The following ADGRF1 variants were observed in gnomAD, a reference collection of about 807,000 sequenced individuals.
ADGRF1 encodes G protein-coupled receptor 110.
ADGRF1 carries 85 observed loss-of-function variants against 87.2 expected under a neutral mutation model. That is an observed-to-expected ratio of 0.97 (90% CI 0.82 to 1.17). ADGRF1 has a LOEUF of 1.17. Ranked by LOEUF, ADGRF1 falls within the 50% of genes most tolerant of loss-of-function variation. The probability of loss-of-function intolerance (pLI) is 0.00; values close to 1 mark genes in which losing one functional copy is unlikely to be tolerated. For synonymous variants in ADGRF1, 430 were observed against 408.8 expected, an observed-to-expected ratio of 1.05 and a Z score of -0.63; for missense variants, 1,169 against 1,077.2, an observed-to-expected ratio of 1.09 and a Z score of -1.19.
chr6:47,009,559 A>G lies in ADGRF1; in HGVS notation c.1876T>C (p.Cys626Arg). 1.9e-6 allele frequency: 3 copies of G among 1,614,174 alleles called. No homozygotes were observed. Among genetic ancestry groups the G allele is most frequent in the Non-Finnish European group, 2.5e-6 (3 of 1,180,016 alleles). Residue 626 changes from cysteine (C) to arginine (R), a missense_variant, in exon 11 of 15, where the codon TGC (cysteine) becomes CGC (arginine). Physicochemically the swap from Cys to Arg is radical, Grantham distance 180. Transcript: ENST00000371253. The stretch of plus-strand genomic sequence containing the variant: ...AGGGACAGGGCTATGTTCACCATGC[A>G]AATACGACGTGTGTGAGAGGTTTGG... ...KSQTSHTRRI[C>R]MVNIALSLLI...
rs201761911 is a variant in ADGRF1 at position 47,024,144 on chromosome 6, A to T, written c.351T>A (p.Leu117=). Reference sequence around the variant, plus strand: ...TGTGAAGGTAGCAGTTCTGGGGATCAAGGCATGAGGGAGGAAACCAGGTGT... The same window carrying T: ...TGTGAAGGTAGCAGTTCTGGGGATCTAGGCATGAGGGAGGAAACCAGGTGT... ...DSYTWFPPSC[L]DPQNCYLHTA... The change falls in exon 5 of 15, where the codon CTT becomes CTA. Residue 117 remains leucine (L), a synonymous_variant. Coordinates refer to ENST00000371253, the MANE Select transcript of ADGRF1 (RefSeq NM_153840.4). 6.2e-7 allele frequency: 1 copy of T among 1,614,080 alleles called. No homozygotes were observed. Among genetic ancestry groups the T allele is most frequent in the Non-Finnish European group, 8.5e-7 (1 of 1,179,934 alleles).
At chr6:47,029,674 A>G (rs994347985) in intron 1 of ADGRF1, among the ~76,000 whole-genome samples, 1 of 152,222 alleles carries the variant, frequency 6.6e-6, no homozygotes, top group Non-Finnish European at 1.5e-5. Context: ...ACTTATACCC[A>G]GGTTATTTTG....
intron 7 of ADGRF1, chr6:47,018,351 T>A (rs1422618106): frequency 4.8e-6 from 6 of 1,237,374 alleles, no homozygotes; most frequent in Non-Finnish European, 5.2e-6. Flanking sequence ...CAATGAGAAG[T>A]TGGGTGAAAA....
At chr6:47,042,060 A>G (rs1344417743) in intron 1 of ADGRF1, 131 bp downstream of exon 1, 3 of 152,186 alleles carry the variant, frequency 2.0e-5, no homozygotes, top group Non-Finnish European at 4.4e-5. Context: ...TTATTTAACC[A>G]TCTTCAGGAA....
intron 1 of ADGRF1, among the ~76,000 whole-genome samples, chr6:47,035,566 C>T (rs573570239): frequency 4.5e-4 from 68 of 152,234 alleles, no homozygotes; most frequent in Non-Finnish European, 8.7e-4. Context: ...TTCACAATTG[C>T]AGAAAATGAA....
chr6:47,000,970 T>C (rs565948055), intron 14 of ADGRF1, among the ~76,000 whole-genome samples: 1 of 152,350 alleles, frequency 6.6e-6, no homozygotes, highest in Non-Finnish European at 1.5e-5. Flanking sequence ...TAGCACAGAC[T>C]TTAGTAACCG....
rs1287776933 is a variant in ADGRF1 at position 47,025,866 on chromosome 6, T to C, written c.265A>G (p.Lys89Glu). 1.9e-6 allele frequency: 3 copies of C among 1,599,386 alleles called. No homozygotes were observed. The highest frequency in any genetic ancestry group is 8.5e-7 in the Non-Finnish European group (1 of 1,171,198). Residue 89 changes from lysine (K) to glutamate (E), a missense_variant, in exon 4 of 15, where the codon AAG (lysine) becomes GAG (glutamate). Transcript: ENST00000371253. ...AGAGCCACCTTACCTGTGGTAGCCTTTGCTCTGATAATTCTAATTAGCCCA... is the reference window on the plus strand; with the variant it reads ...AGAGCCACCTTACCTGTGGTAGCCTCTGCTCTGATAATTCTAATTAGCCCA... ...SHGLIRIIRA[K>E]ATTDCNSLNG...
chr6:47,021,298 C>T (rs1267633891), intron 6 of ADGRF1, among the ~76,000 whole-genome samples: 4 of 152,146 alleles, frequency 2.6e-5, no homozygotes, highest in Non-Finnish European at 5.9e-5. Context: ...TCTCTTCAGC[C>T]TCTAACAACA....
chr6:47,018,208 T>G, intron 7 of ADGRF1: 1 of 358,470 alleles, frequency 2.8e-6, no homozygotes, highest in South Asian at 3.0e-5. Flanking sequence ...AGTAATAAAT[T>G]TAGAATCCAT....
chr6:47,027,803 A>T, intron 2 of ADGRF1, 42 bp from the exon 3 acceptor site: 1 of 1,166,570 alleles, frequency 8.6e-7, no homozygotes, highest in Non-Finnish European at 1.3e-6. Context: ...GACTTTGAAG[A>T]GTTGTGCTTC....
At chr6:47,011,529 A>C (rs1342222958) in intron 10 of ADGRF1, among the ~76,000 whole-genome samples, 2 of 152,228 alleles carry the variant, frequency 1.3e-5, no homozygotes, top group Non-Finnish European at 2.9e-5. Flanking sequence ...GCTACAGATA[A>C]TTTATTTTTC....
In ADGRF1 at chr6:47,009,830, C is replaced by T. The variant is rs771370107; in HGVS notation, c.1605G>A (p.Val535=). The change falls in exon 11 of 15, where the codon GTG becomes GTA. Residue 535 remains valine (V), a synonymous_variant. Coordinates refer to ENST00000371253, the MANE Select transcript of ADGRF1 (RefSeq NM_153840.4). ...ACTGCAAATGACTGAAATCCCAAAA[C>T]ACACAATGAGGCTGGCTCAGGTTTG... is the stretch of plus-strand genomic sequence containing the variant. ...IESNLSQPHC[V]FWDFSHLQWN... 3.3e-5 allele frequency: 54 copies of T among 1,614,084 alleles called. 1 individual carries two copies. In the South Asian group the frequency reaches 4.5e-4, roughly 13 times the overall value.
chr6:47,027,801 A>G, intron 2 of ADGRF1, 40 bp from the exon 3 acceptor site: 1 of 1,186,732 alleles, frequency 8.4e-7, no homozygotes, highest in Non-Finnish European at 1.3e-6. Flanking sequence ...GAGACTTTGA[A>G]GAGTTGTGCT....
intron 7 of ADGRF1, chr6:47,018,639 T>C (rs935372216): frequency 1.6e-6 from 2 of 1,282,812 alleles, no homozygotes; most frequent in South Asian, 2.5e-5. Flanking sequence ...AATCTGGGCA[T>C]GGTGACTCAT....
In ADGRF1 at chr6:47,025,946, T is replaced by C. The variant is rs374642613; in HGVS notation, c.185A>G (p.Lys62Arg). 2 of 1,612,010 alleles carry C rather than the reference T, an allele frequency of 1.2e-6. No homozygotes were observed. The highest frequency in any genetic ancestry group is 1.7e-6 in the Non-Finnish European group (2 of 1,179,386). ...LQVTYRDSKE[K>R]RDLRNFLKLL... ...CTTCAGAAAATTTCTCAAATCTCTT[T>C]TCTCCTTGGAATCTCTATAGGTCAC... is the stretch of plus-strand genomic sequence containing the variant. Residue 62 changes from lysine (K) to arginine (R), a missense_variant, in exon 4 of 15, where the codon AAA becomes AGA. By Grantham distance (26) the Lys-to-Arg change is conservative. Coordinates refer to ENST00000371253, the MANE Select transcript of ADGRF1 (RefSeq NM_153840.4).
At chr6:47,012,496 T>G in intron 9 of ADGRF1, 1 of 539,628 alleles carries the variant, frequency 1.9e-6, no homozygotes, top group Non-Finnish European at 2.4e-6. Flanking sequence ...ATTATTTTCA[T>G]TTTATAGCTA....
At chr6:47,012,241 G>C in intron 9 of ADGRF1, 46 bp from the exon 10 acceptor site, 2 of 1,589,304 alleles carry the variant, frequency 1.3e-6, no homozygotes, top group Admixed American at 1.7e-5. Context: ...GACATGCTGT[G>C]TTTCATCAAA....
chr6:47,035,168 A>T (rs556045334), intron 1 of ADGRF1, among the ~76,000 whole-genome samples: 2 of 152,264 alleles, frequency 1.3e-5, no homozygotes, highest in East Asian at 3.9e-4. Flanking sequence ...GTAACTGAAG[A>T]CCCAGCCGCT....
intron 7 of ADGRF1, chr6:47,019,259 T>A: frequency 1.1e-6 from 1 of 942,334 alleles, no homozygotes; most frequent in Non-Finnish European, 1.3e-6. Context: ...GAAAGTATGA[T>A]CAACTGTATA....
Sources: allele counts gnomAD v4.1 joint callset (sites outside exome capture counted in the v4.1 genomes callset), GRCh38; gene constraint gnomAD v4.1.1; transcripts MANE v1.5; gene names NCBI Gene and HGNC (gene_info 2026-07-23, HGNC 2026-07-21).